Variants in FAM20C observed in about 807,000 individuals in gnomAD.
FAM20C encodes the protein FAM20C golgi associated secretory pathway kinase.
FAM20C carries 40 observed loss-of-function variants against 51.5 expected under a neutral mutation model. That is an observed-to-expected ratio of 0.78 (90% CI 0.60 to 1.01). The LOEUF (loss-of-function observed/expected upper bound fraction) is 1.01, where lower values mean the gene tolerates loss of function less well. Among genes scored for constraint, FAM20C ranks in the 50% least tolerant of loss-of-function variants. The pLI is 0.00. For missense variants in FAM20C, 861 were observed against 844.7 expected, an observed-to-expected ratio of 1.02 and a Z score of -0.24; for synonymous variants, 406 against 380.6, an observed-to-expected ratio of 1.07 and a Z score of -0.78.
intron 3 of FAM20C, among the ~76,000 whole-genome samples, chr7:211,452 C>G (rs548593318): frequency 6.6e-6 from 1 of 151,866 alleles, no homozygotes; most frequent in Non-Finnish European, 1.5e-5. Flanking sequence ...CCCAGCCCCC[C>G]ACCGTGATGG....
chr7:241,815 C>CTG (rs1201957133), intron 3 of FAM20C, among the ~76,000 whole-genome samples: 7 of 151,402 alleles, frequency 4.6e-5, no homozygotes, highest in African/African-American at 1.2e-4. Context: ...GAATGTGCAT[C>CTG]TGTGTGTGTG....
chr7:193,769 C>A lies in FAM20C; in HGVS notation c.570C>A (p.Thr190=). 3 of 1,551,766 alleles carry A rather than the reference C, an allele frequency of 1.9e-6. No homozygotes were observed. The highest frequency in any genetic ancestry group is 2.6e-6 in the Non-Finnish European group (3 of 1,147,848). Reference sequence around the variant, plus strand: ...TCCTGTTCAATGTGAACAGCGACACCAGGCTCAGCCCCAAAGCGGCGGAGA... The same window carrying A: ...TCCTGTTCAATGTGAACAGCGACACAAGGCTCAGCCCCAAAGCGGCGGAGA... ...EDVLFNVNSD[T]RLSPKAAENP... is the part of the protein sequence containing the mutation. The change falls in exon 1 of 10, where the codon ACC becomes ACA. Residue 190 remains threonine (T), a synonymous_variant. Transcript: ENST00000313766.
chr7:232,165 G>T (rs1020114436), intron 3 of FAM20C, among the ~76,000 whole-genome samples: 3 of 152,218 alleles, frequency 2.0e-5, no homozygotes, highest in Non-Finnish European at 4.4e-5. Context: ...GTGGCTCTTT[G>T]CTGACGCCCT....
At chr7:258,824 G>A (rs931813668) in intron 9 of FAM20C, 119 bp downstream of exon 9, 49 of 1,018,638 alleles carry the variant, frequency 4.8e-5, no homozygotes, top group African/African-American at 4.7e-4. Context: ...AAAAGGCCCC[G>A]AATTCAACCA....
intron 4 of FAM20C, among the ~76,000 whole-genome samples, chr7:247,283 G>A (rs1283973044): frequency 6.6e-6 from 1 of 152,184 alleles, no homozygotes; most frequent in Non-Finnish European, 1.5e-5. Context: ...CCCTCCAAGG[G>A]CAGTAAACGG....
intron 1 of FAM20C, 174 bp downstream of exon 1, chr7:193,978 C>A: frequency 2.8e-6 from 3 of 1,059,802 alleles, no homozygotes; most frequent in Non-Finnish European, 3.8e-6. Context: ...TCCAGAATAA[C>A]CTCCTCCTTG....
chr7:206,108 G>A (rs1786366822), intron 2 of FAM20C, among the ~76,000 whole-genome samples: 1 of 152,168 alleles, frequency 6.6e-6, no homozygotes, highest in Admixed American at 6.5e-5. Context: ...CGTCATCCCA[G>A]GCTGGCTGGG....
At position 218,928 on chromosome 7, in the gene FAM20C, G is replaced by A. The variant is rs537218986; in HGVS notation, c.863+9952G>A. Reference sequence around the variant, plus strand: ...ACGCACAGATCACTCCCGTCCGGCCGGGAGCTGACACGGGCCCAGGACGGA... The same window carrying A: ...ACGCACAGATCACTCCCGTCCGGCCAGGAGCTGACACGGGCCCAGGACGGA... On this transcript the variant is annotated intron_variant, in intron 3 of 9. Transcript: ENST00000313766. 2.3e-3 allele frequency among the ~76,000 whole-genome samples: 352 copies of A among 151,792 alleles called. 1 individual carries two copies. The highest frequency in any genetic ancestry group is 3.8e-3 in the Non-Finnish European group (259 of 67,858).
chr7:233,664 CG>C (rs1358774979), intron 3 of FAM20C, among the ~76,000 whole-genome samples: 3 of 152,170 alleles, frequency 2.0e-5, no homozygotes, highest in Non-Finnish European at 2.9e-5. Context: ...AGGTCTCCCT[CG>C]GCCCCTCTTG....
At chr7:193,935 G>A (rs977260732) in intron 1 of FAM20C, 131 bp downstream of exon 1, 3 of 1,325,026 alleles carry the variant, frequency 2.3e-6, no homozygotes, top group Non-Finnish European at 3.0e-6. Context: ...TGCGGGAGGA[G>A]GCAGCCGCCT....
intron 3 of FAM20C, chr7:228,742 C>T (rs1227792318): frequency 8.8e-6 from 4 of 456,196 alleles, no homozygotes; most frequent in Non-Finnish European, 8.8e-6. Flanking sequence ...CCACATCCTC[C>T]ACCAAGAGTG....
chr7:232,774 G>A (rs970819991), intron 3 of FAM20C, among the ~76,000 whole-genome samples: 7 of 152,220 alleles, frequency 4.6e-5, no homozygotes, highest in Admixed American at 1.3e-4. Context: ...CCCCTCGGCC[G>A]TGCCGGGATC....
rs752800765 is a variant in FAM20C, at chr7:195,725, C to T, written c.777C>T (p.Thr259=). The T allele has an allele frequency of 6.2e-6, 10 of 1,604,800 alleles. No homozygotes were observed. In the South Asian group the frequency reaches 1.0e-4, roughly 16 times the overall value. ...ACGACCTCAGCTCCCAGAGGATCAC[C>T]AGCGTGGGTAGGTGTCCTTGGGTGC... The part of the protein sequence containing the change: ...LLHDLSSQRI[T]SVAMKSGGTQ... The change falls in exon 2 of 10, where the codon ACC becomes ACT. Residue 259 remains threonine, a synonymous_variant. Coordinates refer to ENST00000313766, the MANE Select transcript of FAM20C (RefSeq NM_020223.4).
At chr7:241,261 T>C (rs1787939443) in intron 3 of FAM20C, among the ~76,000 whole-genome samples, 1 of 152,134 alleles carries the variant, frequency 6.6e-6, no homozygotes, top group Non-Finnish European at 1.5e-5. Context: ...AGAGTAGAAT[T>C]CACTGCCTGC....
At chr7:232,914 T>C (rs1162221673) in intron 3 of FAM20C, among the ~76,000 whole-genome samples, 1 of 152,234 alleles carries the variant, frequency 6.6e-6, no homozygotes, top group Non-Finnish European at 1.5e-5. Flanking sequence ...ATGGGTCCTC[T>C]GCAGACCTCT....
chr7:250,752 C>T (rs1398049157), intron 5 of FAM20C, among the ~76,000 whole-genome samples: 2 of 152,250 alleles, frequency 1.3e-5, no homozygotes, highest in Non-Finnish European at 2.9e-5. Flanking sequence ...CCCTGGTGCC[C>T]ACGGAGGCTG....
rs529944862 is a variant in FAM20C at position 222,138 on chromosome 7, C to G, written c.863+13162C>G. On this transcript the variant is annotated intron_variant, in intron 3 of 9. Transcript: ENST00000313766. ...AGGGGCCTGTGGGGAGCCAGAAGTG[C>G]GCAAGTCAGGAGACAGGGCAGGGCT... is the stretch of plus-strand genomic sequence containing the variant. Among the ~76,000 whole-genome samples the G allele has an allele frequency of 1.7e-4, 26 of 152,282 alleles. 1 individual carries two copies. The highest frequency in any genetic ancestry group is 2.1e-4 in the South Asian group (1 of 4,828).
At chr7:256,829 C>A in intron 7 of FAM20C, 66 bp downstream of exon 7, 1 of 1,470,888 alleles carries the variant, frequency 6.8e-7, no homozygotes, top group Non-Finnish European at 9.2e-7. Context: ...GCACGCAGGG[C>A]TCTGCAGGGC....
chr7:256,931 GC>G, intron 7 of FAM20C, 73 bp from the exon 8 acceptor site: 1 of 1,491,156 alleles, frequency 6.7e-7, no homozygotes, highest in Non-Finnish European at 9.0e-7. Flanking sequence ...ACGCCGCTCT[GC>G]AGAGCACAGA....
Sources: allele counts gnomAD v4.1 joint callset (sites outside exome capture counted in the v4.1 genomes callset), GRCh38; gene constraint gnomAD v4.1.1; transcripts MANE v1.5; gene names NCBI Gene and HGNC (gene_info 2026-07-23, HGNC 2026-07-21).